The following SFMBT2 variants were observed in gnomAD, a reference collection of about 807,000 sequenced individuals.
SFMBT2 encodes Scm like with four mbt domains 2, also known as scm-like with four MBT domains protein 2.
Under a neutral mutation model 110.1 loss-of-function variants are expected in SFMBT2, and 38 were observed. That is an observed-to-expected ratio of 0.35 (90% confidence interval 0.27 to 0.45). SFMBT2 has a LOEUF of 0.45. Ranked by LOEUF, SFMBT2 falls within the 20% of genes least tolerant of loss-of-function variation. The pLI is 1.00. For missense variants in SFMBT2, 1,011 were observed against 1,094.9 expected (o/e 0.92, Z 1.08); for synonymous variants, 425 against 425.4 (o/e 1.00, Z 0.01).
chr10:7,164,121 T>C, intron 20 of SFMBT2: 1 of 985,392 alleles, frequency 1.0e-6, no homozygotes. Flanking sequence ...GCACAGTGGC[T>C]CACGCCTATA....
Position 7,158,917 on chromosome 10 carries a change from A to C in SFMBT2, c.*4853T>G, listed in dbSNP as rs935937097. ...AAACTAGAATGCAAAACAGTGAAAG[A>C]GCTTTCAACAATCACGACGAGGGAT... On this transcript the variant is annotated 3_prime_UTR_variant, in exon 21 of 21. Transcript: ENST00000397167. 2.0e-5 allele frequency: 3 copies of C among 152,230 alleles called. No individual in the cohort carries two copies. The highest frequency in any genetic ancestry group is 4.4e-5 in the Non-Finnish European group (3 of 68,050). 9.4% of individuals were successfully genotyped at this position (152,230 alleles called of 1,614,324 possible). A position where few individuals can be genotyped will look rare whatever the true frequency, so the allele number is the denominator to read the frequency against.
In SFMBT2 at chr10:7,248,587, C is replaced by G. The variant is rs757857942; in HGVS notation, c.933G>C (p.Met311Ile). Residue 311 changes from methionine to isoleucine, a missense_variant, in exon 8 of 21, where the codon ATG becomes ATC. Around this residue, in one of 2 missense-constraint regions of SFMBT2, gnomAD observed 979 missense variants for 1,016.1 expected, o/e 0.96. Transcript: ENST00000397167. ...CAGGAGAGATGTAAAAGGGCTCGCACATATTCACTGTCTCAAGCTTCATCC... is the reference window on the plus strand; with the variant it reads ...CAGGAGAGATGTAAAAGGGCTCGCAGATATTCACTGTCTCAAGCTTCATCC... Reference protein sequence around the residue: ...TVGMKLETVNMCEPFYISPAS... With the variant: ...TVGMKLETVNICEPFYISPAS... 5 of 1,614,096 alleles carry G rather than the reference C, an allele frequency of 3.1e-6. No individual in the cohort carries two copies. The highest frequency in any genetic ancestry group is 4.2e-6 in the Non-Finnish European group (5 of 1,180,042).
chr10:7,372,209 C>T (rs1408734124), intron 2 of SFMBT2, among the ~76,000 whole-genome samples: 4 of 152,128 alleles, frequency 2.6e-5, no homozygotes, highest in African/African-American at 4.8e-5. Context: ...TGAGCCGCCA[C>T]GCCCGGCCTT....
Position 7,207,636 on chromosome 10 carries a change from A to G in SFMBT2, c.1331-1708T>C, listed in dbSNP as rs143636616. On this transcript the variant is annotated intron_variant, in intron 11 of 20. Coordinates refer to ENST00000397167, the MANE Select transcript of SFMBT2 (RefSeq NM_001387889.1). ...TAACATCTGAAGAATTCTGAATCAC[A>G]TCCTCCCTCCCCACCAAAACCATAA... 119 of 983,584 alleles carry G rather than the reference A, an allele frequency of 1.2e-4. 2 individuals are homozygous for G. The African/African-American group carries it at 1.4e-3, about 12-fold the overall frequency. The allele number at this position is 983,584 out of a possible 1,614,324, so 60.9% of individuals were successfully genotyped here.
intron 11 of SFMBT2, among the ~76,000 whole-genome samples, chr10:7,208,302 G>A (rs1042660875): frequency 6.6e-6 from 1 of 152,080 alleles, no homozygotes; most frequent in Non-Finnish European, 1.5e-5. Flanking sequence ...TTGTTTCTTA[G>A]CTACTCAAAC....
Position 7,227,266 on chromosome 10 carries a change from C to T in SFMBT2, c.1203+589G>A, listed in dbSNP as rs141781418. Among the ~76,000 whole-genome samples, 558 of 152,258 alleles carry T rather than the reference C, an allele frequency of 3.7e-3. 2 individuals are homozygous for T. Among genetic ancestry groups the T allele is most frequent in the Non-Finnish European group, 4.8e-3 (329 of 68,026 alleles). On this transcript the variant is annotated intron_variant, in intron 10 of 20. Coordinates refer to ENST00000397167, the MANE Select transcript of SFMBT2 (RefSeq NM_001387889.1). ...GCAAAGACTCTCCTATCAGTGGGTT[C>T]GTGGATAAGATGCTACACAGCAAGT... is the stretch of plus-strand genomic sequence containing the variant.
In SFMBT2 at chr10:7,168,740, C is replaced by T. The variant is rs79107611; in HGVS notation, c.2544+2188G>A. Among the ~76,000 whole-genome samples, 852 of 152,342 alleles carry T rather than the reference C, an allele frequency of 5.6e-3. 9 individuals are homozygous for T. Among genetic ancestry groups the T allele is most frequent in the African/African-American group, 0.02 (815 of 41,582 alleles). ...TTTTGTTTTCAAAATGGAGATGTGG[C>T]TTATCAATAAGCCCCCGATCACCTA... On this transcript the variant is annotated intron_variant, in intron 20 of 20. Coordinates refer to ENST00000397167, the MANE Select transcript of SFMBT2 (RefSeq NM_001387889.1).
intron 9 of SFMBT2, 60 bp from the exon 10 acceptor site, chr10:7,227,997 G>A: frequency 7.7e-7 from 1 of 1,306,264 alleles, no homozygotes; most frequent in Non-Finnish European, 1.1e-6. Context: ...AGACAGATGA[G>A]CAAAATCAGA....
At chr10:7,211,447 G>T (rs1480517349) in intron 11 of SFMBT2, among the ~76,000 whole-genome samples, 1 of 152,130 alleles carries the variant, frequency 6.6e-6, no homozygotes, top group Non-Finnish European at 1.5e-5. Context: ...CTGGAGAGGC[G>T]ATTCCCCGGC....
At chr10:7,204,879 A>G (rs1839076723) in intron 12 of SFMBT2, 2 of 980,184 alleles carry the variant, frequency 2.0e-6, no homozygotes, top group African/African-American at 3.5e-5. Flanking sequence ...ATCTTTAAAA[A>G]AAAAAAAATT....
At chr10:7,297,911 G>T (rs531823519) in intron 4 of SFMBT2, among the ~76,000 whole-genome samples, 5 of 152,288 alleles carry the variant, frequency 3.3e-5, no homozygotes, top group African/African-American at 4.8e-5. Context: ...CGCCCTCCCT[G>T]TTATCAGCAC....
intron 20 of SFMBT2, among the ~76,000 whole-genome samples, chr10:7,164,606 T>C (rs1411991925): frequency 1.3e-5 from 2 of 152,122 alleles, no homozygotes; most frequent in South Asian, 2.1e-4. Context: ...AGACTTCATC[T>C]GAGCACTAAG....
At position 7,172,796 on chromosome 10, in the gene SFMBT2, AAC is replaced by A; in HGVS notation, c.1985-137_1985-136del. ...GTGCCTTACGAAGTCATTCTGAGAA[AAC>A]AGACCCACAGGAGAAGCACTGCTCC... On this transcript the variant is annotated intron_variant, in intron 17 of 20. Transcript: ENST00000397167. This position sits in a 1 kb window ranked among gnomAD's most constrained non-coding sequence, Gnocchi z 4.6. 1 of 1,127,170 alleles carries A rather than the reference AAC, an allele frequency of 8.9e-7. No individual in the cohort carries two copies. The highest frequency in any genetic ancestry group is 1.2e-6 in the Non-Finnish European group (1 of 804,894). 69.8% of individuals were successfully genotyped at this position (1,127,170 alleles called of 1,614,324 possible).
chr10:7,345,637 G>A (rs1258804465), intron 4 of SFMBT2, among the ~76,000 whole-genome samples: 4 of 152,210 alleles, frequency 2.6e-5, no homozygotes, highest in African/African-American at 7.2e-5. Context: ...GATTACAAGC[G>A]TGAGCCACCG....
intron 7 of SFMBT2, among the ~76,000 whole-genome samples, chr10:7,256,020 G>A (rs543047842): frequency 2.6e-5 from 4 of 152,284 alleles, no homozygotes; most frequent in Admixed American, 2.0e-4. Context: ...AATATCAAGT[G>A]GACAGAAACA....
intron 4 of SFMBT2, among the ~76,000 whole-genome samples, chr10:7,330,624 A>G (rs1217968906): frequency 1.3e-5 from 2 of 152,170 alleles, no homozygotes; most frequent in Non-Finnish European, 2.9e-5. Context: ...AAGCCACCTT[A>G]GCTAAAGCAG....
chr10:7,315,118 G>GAAAGAA lies in SFMBT2; in HGVS notation c.437-29165_437-29164insTTCTTT, dbSNP rs1564435740. ...AAAGAAAGAAAGAAAGAAAAAGCAA[G>GAAAGAA]CAAGCAAGCCAGCCAATCCGGCAGC... On this transcript the variant is annotated intron_variant, in intron 4 of 20. Coordinates refer to ENST00000397167, the MANE Select transcript of SFMBT2 (RefSeq NM_001387889.1). 4.3e-4 allele frequency among the ~76,000 whole-genome samples: 61 copies of GAAAGAA among 140,746 alleles called. 1 individual carries two copies. Among genetic ancestry groups the GAAAGAA allele is most frequent in the African/African-American group, 1.3e-3 (50 of 37,536 alleles). The allele number at this position is 140,746 out of a possible 152,430, so 92.3% of individuals were successfully genotyped here. A position where few individuals can be genotyped will look rare whatever the true frequency, so the allele number is the denominator to read the frequency against.
intron 1 of SFMBT2, among the ~76,000 whole-genome samples, chr10:7,399,746 C>T (rs1846023114): frequency 6.6e-6 from 1 of 152,198 alleles, no homozygotes; most frequent in Non-Finnish European, 1.5e-5. Context: ...CCTTTAAGTG[C>T]CCCAAGCAAC....
At chr10:7,377,362 C>T (rs574056575) in intron 2 of SFMBT2, among the ~76,000 whole-genome samples, 14 of 152,116 alleles carry the variant, frequency 9.2e-5, no homozygotes, top group African/African-American at 3.1e-4. Context: ...AATTAGGCAC[C>T]GGTTTTGTAG....
Sources: gnomAD v4.1 joint callset for allele counts (sites outside exome capture counted in the v4.1 genomes callset) on GRCh38, gnomAD v4.1.1 for gene constraint, gnomAD v4.1.1 regional missense constraint, Gnocchi (gnomAD v3.1) non-coding constraint, MANE v1.5 for transcripts, NCBI Gene and HGNC (gene_info 2026-07-23, HGNC 2026-07-21) for gene names.